Variants in DDX50 observed in about 807,000 individuals in gnomAD.
The protein encoded by DDX50 is ATP-dependent RNA helicase DDX50.
Under a neutral mutation model 94.8 loss-of-function variants are expected in DDX50, and 56 were observed. The observed-to-expected ratio is 0.59, with a 90% CI of 0.48 to 0.74. The LOEUF (loss-of-function observed/expected upper bound fraction) is 0.74. Among genes scored for constraint, DDX50 ranks in the 30% least tolerant of loss-of-function variants. DDX50 has a pLI of 0.00. For synonymous variants in DDX50, 264 were observed against 295.4 expected, an observed-to-expected ratio of 0.89 and a Z score of 1.09; for missense variants, 713 against 881.2, an observed-to-expected ratio of 0.81 and a Z score of 2.42.
At chr10:68,929,297 C>CCTTCT (rs1842178295) in intron 8 of DDX50, among the ~76,000 whole-genome samples, 1 of 102,574 alleles carries the variant, frequency 9.7e-6, no homozygotes, top group Admixed American at 1.1e-4. Context: ...TCCTTCCTCT[C>CCTTCT]TCTCTCTCTC....
chr10:68,901,776 C>T (rs10998478), intron 1 of DDX50, among the ~76,000 whole-genome samples: 11,285 of 152,302 alleles, frequency 0.074, 561 homozygotes, highest in African/African-American at 0.13. Flanking sequence ...TTCTTTCTCT[C>T]CTGAAGCAGT....
At chr10:68,908,762 C>T (rs1246018681) in intron 2 of DDX50, among the ~76,000 whole-genome samples, 2 of 151,446 alleles carry the variant, frequency 1.3e-5, no homozygotes, top group Non-Finnish European at 2.9e-5. Context: ...CCACCTCAGC[C>T]TCCTGAGTAG....
At chr10:68,920,113 C>A in intron 8 of DDX50, 132 bp downstream of exon 8, 1 of 1,067,892 alleles carries the variant, frequency 9.4e-7, no homozygotes, top group Non-Finnish European at 1.4e-6. Context: ...GGCATGGTGG[C>A]CCACACCTGT....
chr10:68,914,550 A>G (rs1841727668), intron 7 of DDX50, among the ~76,000 whole-genome samples: 1 of 152,250 alleles, frequency 6.6e-6, no homozygotes, highest in Non-Finnish European at 1.5e-5. Context: ...ATTGACTAGA[A>G]AAGAATAGTG....
In DDX50 at chr10:68,946,429, C is replaced by A; in HGVS notation, c.2013C>A (p.Asn671Lys). 6.2e-7 allele frequency: 1 copy of A among 1,614,208 alleles called. No homozygotes were observed. The highest frequency in any genetic ancestry group is 1.1e-5 in the South Asian group (1 of 91,086). ...AAATTGAAGAATATTATGATGGAAA[C>A]ACATCTTCTAATTCCAGACAGAGGA... Reference protein sequence around the residue: ...LPEIEEYYDGNTSSNSRQRSG... With the variant: ...LPEIEEYYDGKTSSNSRQRSG... The change falls in exon 15 of 15, where the codon AAC becomes AAA. Residue 671 changes from asparagine to lysine, a missense_variant. By Grantham distance (94) the Asn-to-Lys change is moderately conservative. Around this residue, in one of 2 missense-constraint regions of DDX50, gnomAD observed 428 missense variants for 602.3 expected, o/e 0.71. Coordinates refer to ENST00000373585, the MANE Select transcript of DDX50 (RefSeq NM_024045.2).
At chr10:68,938,006 C>T (rs1842467147) in intron 12 of DDX50, among the ~76,000 whole-genome samples, 1 of 152,150 alleles carries the variant, frequency 6.6e-6, no homozygotes, top group Admixed American at 6.6e-5. Context: ...ATATAATAAG[C>T]TCATCTGTGA....
chr10:68,911,959 A>T (rs1841636421), intron 4 of DDX50, among the ~76,000 whole-genome samples: 1 of 152,232 alleles, frequency 6.6e-6, no homozygotes, highest in Non-Finnish European at 1.5e-5. Context: ...GCATCATAAT[A>T]TGAACAACTG....
chr10:68,942,918 G>C (rs1469125897), intron 13 of DDX50, among the ~76,000 whole-genome samples: 3 of 152,058 alleles, frequency 2.0e-5, no homozygotes, highest in Non-Finnish European at 4.4e-5. Flanking sequence ...ACCACGCCTG[G>C]CCCATTGTAG....
chr10:68,929,204 C>T (rs530803608), intron 8 of DDX50, among the ~76,000 whole-genome samples: 4 of 152,112 alleles, frequency 2.6e-5, no homozygotes, highest in Non-Finnish European at 5.9e-5. Flanking sequence ...ACCTCCGTCT[C>T]CCACAGTACT....
intron 1 of DDX50, among the ~76,000 whole-genome samples, chr10:68,903,931 G>A (rs1207742971): frequency 4.9e-5 from 7 of 144,040 alleles, no homozygotes; most frequent in Non-Finnish European, 7.5e-5. Context: ...AGCCGAGATC[G>A]CACCATTGCA....
chr10:68,914,284 T>G (rs1036136971), intron 7 of DDX50, 80 bp downstream of exon 7: 2 of 1,511,572 alleles, frequency 1.3e-6, no homozygotes, highest in Non-Finnish European at 1.8e-6. Context: ...AAATTTAAGT[T>G]TTGGGTACCT....
chr10:68,901,697 C>T (rs984786604), intron 1 of DDX50, among the ~76,000 whole-genome samples: 7 of 152,190 alleles, frequency 4.6e-5, no homozygotes, highest in African/African-American at 1.7e-4. Flanking sequence ...CCGCGTGGCC[C>T]CTCAGCCCTT....
At chr10:68,936,855 A>C in intron 11 of DDX50, 81 bp from the exon 12 acceptor site, 9 of 1,349,494 alleles carry the variant, frequency 6.7e-6, no homozygotes, top group South Asian at 1.5e-5. Context: ...AAAAAAAATT[A>C]CTCCTTCTTT....
intron 13 of DDX50, 109 bp downstream of exon 13, chr10:68,941,303 C>T (rs1842548038): frequency 2.2e-6 from 3 of 1,370,468 alleles, no homozygotes; most frequent in Non-Finnish European, 3.0e-6. Context: ...ATGAATAATG[C>T]TGTTTTTTCT....
chr10:68,911,011 AT>A, intron 3 of DDX50, 56 bp from the exon 4 acceptor site: 1 of 1,254,358 alleles, frequency 8.0e-7, no homozygotes, highest in Non-Finnish European at 1.1e-6. Context: ...TCAAATGAAT[AT>A]ATTTTTTCCT....
chr10:68,933,096 T>G (rs1842315728), intron 8 of DDX50, among the ~76,000 whole-genome samples: 2 of 148,036 alleles, frequency 1.4e-5, no homozygotes, highest in Non-Finnish European at 3.0e-5. Context: ...GAGATGAAGC[T>G]TCACTCTTGT....
chr10:68,924,213 C>G (rs572948127), intron 8 of DDX50, among the ~76,000 whole-genome samples: 37 of 152,138 alleles, frequency 2.4e-4, no homozygotes, highest in African/African-American at 8.7e-4. Flanking sequence ...CTCAAATGAT[C>G]CACCTGCCTA....
rs1841896451 is a variant in DDX50, at chr10:68,919,857, C to T, written c.1115C>T (p.Ser372Phe). ...VEHLAIQCHW[S>F]QRPAVIGDVL... ...CATTTGGCCATCCAGTGTCATTGGT[C>T]TCAGAGGCCAGCAGTTATTGGAGAT... Residue 372 changes from serine to phenylalanine, a missense_variant, in exon 8 of 15, where the codon TCT becomes TTT. Ser to Phe is a radical substitution (Grantham distance 155, BLOSUM62 -2). Around this residue, in one of 2 missense-constraint regions of DDX50, gnomAD observed 428 missense variants for 602.3 expected, o/e 0.71. Coordinates refer to ENST00000373585, the MANE Select transcript of DDX50 (RefSeq NM_024045.2). The T allele has an allele frequency of 3.1e-6, 5 of 1,613,620 alleles. No individual in the cohort carries two copies. The highest frequency in any genetic ancestry group is 2.2e-5 in the East Asian group (1 of 44,898).
At chr10:68,929,129 T>C (rs909690366) in intron 8 of DDX50, among the ~76,000 whole-genome samples, 1 of 151,964 alleles carries the variant, frequency 6.6e-6, no homozygotes, top group Non-Finnish European at 1.5e-5. Context: ...GTATTTTTAG[T>C]GGAGAGGGGG....
Sources: gnomAD v4.1 joint callset for allele counts (sites outside exome capture counted in the v4.1 genomes callset) on GRCh38, gnomAD v4.1.1 for gene constraint, gnomAD v4.1.1 regional missense constraint, MANE v1.5 for transcripts, NCBI Gene and HGNC (gene_info 2026-07-23, HGNC 2026-07-21) for gene names.